The following ARRB1 variants were observed in gnomAD, a reference collection of about 807,000 sequenced individuals.
ARRB1 encodes the protein arrestin beta 1, also known as beta-arrestin-1.
Under a neutral mutation model 56.8 loss-of-function variants are expected in ARRB1, and 21 were observed. That is an observed-to-expected ratio of 0.37 (90% CI 0.26 to 0.53). ARRB1 has a LOEUF of 0.53. ARRB1 is among the 20% of genes least tolerant of loss of function. ARRB1 has a pLI of 0.88. For missense variants in ARRB1, 424 were observed against 553.7 expected, an observed-to-expected ratio of 0.77 and a Z score of 2.35; for synonymous variants, 210 against 218.6, an observed-to-expected ratio of 0.96 and a Z score of 0.35.
At chr11:75,333,241 G>T (rs1408683854) in intron 1 of ARRB1, among the ~76,000 whole-genome samples, 1 of 152,256 alleles carries the variant, frequency 6.6e-6, no homozygotes, top group Admixed American at 6.5e-5. Context: ...GAAGGGCAGA[G>T]CCACAGTTGT....
At position 75,287,301 on chromosome 11, in the gene ARRB1, C is replaced by T. The variant is rs1315037624; in HGVS notation, c.112+14G>A. 1.3e-6 allele frequency: 2 copies of T among 1,551,790 alleles called. No homozygotes were observed. The highest frequency in any genetic ancestry group is 1.2e-5 in the South Asian group (1 of 84,008). ...ATCTTCCCCCAGCCCTCCTCTCGCC[C>T]TCCAGGGACTCACCCACAGGGTCCA... On this transcript the variant is annotated intron_variant, in intron 3 of 15. Transcript: ENST00000420843.
chr11:75,307,187 C>T (rs565648304), intron 1 of ARRB1, among the ~76,000 whole-genome samples: 1 of 152,294 alleles, frequency 6.6e-6, no homozygotes, highest in South Asian at 2.1e-4. Flanking sequence ...TGCCCATCTC[C>T]GTCCGTAGCT....
intron 10 of ARRB1, among the ~76,000 whole-genome samples, chr11:75,275,625 TC>T (rs1425120832): frequency 1.3e-5 from 2 of 152,158 alleles, no homozygotes; most frequent in East Asian, 3.8e-4. Context: ...CTATCCCCCA[TC>T]CTTTCCAATG....
chr11:75,287,415 C>T, intron 2 of ARRB1, 40 bp from the exon 3 acceptor site: 1 of 1,547,738 alleles, frequency 6.5e-7, no homozygotes, highest in Middle Eastern at 1.7e-4. Flanking sequence ...CAGCTGCAGG[C>T]CCAGAGGACA....
At chr11:75,301,240 C>A (rs565467159) in intron 1 of ARRB1, among the ~76,000 whole-genome samples, 1 of 152,214 alleles carries the variant, frequency 6.6e-6, no homozygotes, top group East Asian at 1.9e-4. Context: ...AGGCAGAGGC[C>A]TGGAGAGGGC....
intron 1 of ARRB1, among the ~76,000 whole-genome samples, chr11:75,292,220 A>T (rs1399613360): frequency 2.6e-5 from 4 of 151,848 alleles, no homozygotes; most frequent in African/African-American, 4.8e-5. Context: ...GCTCACTGCA[A>T]CCTCCATCCC....
At chr11:75,295,711 T>A (rs79045289) in intron 1 of ARRB1, among the ~76,000 whole-genome samples, 234 of 152,326 alleles carry the variant, frequency 1.5e-3, no homozygotes, top group Non-Finnish European at 2.1e-3. Context: ...CCTGCCATGC[T>A]CTCTTTCCTT....
intron 1 of ARRB1, among the ~76,000 whole-genome samples, chr11:75,319,071 C>T (rs1329614594): frequency 2.0e-5 from 3 of 152,184 alleles, no homozygotes; most frequent in South Asian, 4.1e-4. Flanking sequence ...TAATTTACCC[C>T]GGGTCCCAGC....
rs189766355 is a variant in ARRB1, at chr11:75,312,228, C to T, written c.21-22189G>A. ...TCCCTAGGAATGATGGGAAATGCAC[C>T]GCCAGGAACTGAGAACAGGCCTGCC... On this transcript the variant is annotated intron_variant, in intron 1 of 15. Coordinates refer to ENST00000420843, the MANE Select transcript of ARRB1 (RefSeq NM_004041.5). The T allele has an allele frequency of 1.5e-4, 160 of 1,093,392 alleles. No homozygotes were observed. The African/African-American group carries it at 2.3e-3, about 16-fold the overall frequency. 67.7% of individuals were successfully genotyped at this position (1,093,392 alleles called of 1,614,324 possible).
At position 75,308,309 on chromosome 11, in the gene ARRB1, T is replaced by A. The variant is rs1018565722; in HGVS notation, c.21-18270A>T. 2.0e-5 allele frequency among the ~76,000 whole-genome samples: 3 copies of A among 150,622 alleles called. No individual in the cohort carries two copies. In the East Asian group the frequency reaches 5.8e-4, roughly 29 times the overall value. On this transcript the variant is annotated intron_variant, in intron 1 of 15. Coordinates refer to ENST00000420843, the MANE Select transcript of ARRB1 (RefSeq NM_004041.5). ...CAGGCCACTGAGTAGAGCCAGGGAG[T>A]CGCTGAGCCAGCATTTGAAACCAGG...
chr11:75,344,657 G>C lies in ARRB1; in HGVS notation c.20+6931C>G, dbSNP rs113608885. On this transcript the variant is annotated intron_variant, in intron 1 of 15. Coordinates refer to ENST00000420843, the MANE Select transcript of ARRB1 (RefSeq NM_004041.5). ...GACTCAAACCACCCCTAGGATGGAC[G>C]CATCCTGCACACGGGAAGGCAGAAG... Among the ~76,000 whole-genome samples, 814 of 152,192 alleles carry C rather than the reference G, an allele frequency of 5.3e-3. 15 individuals are homozygous for C. Among genetic ancestry groups the C allele is most frequent in the African/African-American group, 0.019 (769 of 41,514 alleles).
intron 1 of ARRB1, chr11:75,312,090 C>T (rs767365821): frequency 1.6e-6 from 2 of 1,289,592 alleles, no homozygotes; most frequent in South Asian, 2.5e-5. Flanking sequence ...AAGTCTCCTT[C>T]CATGGCCTCT....
intron 5 of ARRB1, among the ~76,000 whole-genome samples, chr11:75,282,972 C>A (rs2236710): frequency 0.14 from 21,116 of 152,220 alleles, 1,659 homozygotes; most frequent in Admixed American, 0.21. Context: ...AGCGGGAAAC[C>A]CCTTGCAGTG....
chr11:75,264,091 C>G lies in ARRB1; in HGVS notation c.*2072G>C, dbSNP rs1175361785. On this transcript the variant is annotated 3_prime_UTR_variant, in exon 16 of 16. Coordinates refer to ENST00000420843, the MANE Select transcript of ARRB1 (RefSeq NM_004041.5). ...AGGAGGGGCTGGATGCCTGGGGGAC[C>G]TGCAACTAGGCCCTCAAGACTGGAC... is the stretch of plus-strand genomic sequence containing the variant. 1 of 152,264 alleles carries G rather than the reference C, an allele frequency of 6.6e-6. No homozygotes were observed. The highest frequency in any genetic ancestry group is 1.5e-5 in the Non-Finnish European group (1 of 68,108). 9.4% of individuals were successfully genotyped at this position (152,264 alleles called of 1,614,324 possible). A position where few individuals can be genotyped will look rare whatever the true frequency, so the allele number is the denominator to read the frequency against.
At chr11:75,305,265 GA>G (rs1159221206) in intron 1 of ARRB1, among the ~76,000 whole-genome samples, 1 of 149,508 alleles carries the variant, frequency 6.7e-6, no homozygotes, top group Non-Finnish European at 1.5e-5. Flanking sequence ...GGCTGGTCTT[GA>G]ACTCCTGACC....
intron 1 of ARRB1, among the ~76,000 whole-genome samples, chr11:75,310,378 G>A (rs995429039): frequency 6.6e-6 from 1 of 152,162 alleles, no homozygotes; most frequent in African/African-American, 2.4e-5. Context: ...GGCCATCCAG[G>A]GCCCTGCCTC....
chr11:75,298,791 A>G (rs1946824438), intron 1 of ARRB1, among the ~76,000 whole-genome samples: 1 of 152,156 alleles, frequency 6.6e-6, no homozygotes, highest in Non-Finnish European at 1.5e-5. Context: ...AAATCTATCA[A>G]TGAATACATG....
chr11:75,283,774 C>T (rs993426824), intron 4 of ARRB1, among the ~76,000 whole-genome samples: 102 of 151,820 alleles, frequency 6.7e-4, no homozygotes, highest in African/African-American at 2.4e-3. Flanking sequence ...GTCTGACAGG[C>T]TTGGCGGGGG....
intron 4 of ARRB1, 142 bp downstream of exon 4, chr11:75,284,093 G>A: frequency 1.2e-6 from 1 of 808,624 alleles, no homozygotes; most frequent in Non-Finnish European, 1.9e-6. Context: ...GTCCCAGGCT[G>A]GAGGAGGCAA....
Sources: gnomAD v4.1 joint callset for allele counts (sites outside exome capture counted in the v4.1 genomes callset) on GRCh38, gnomAD v4.1.1 for gene constraint, MANE v1.5 for transcripts, NCBI Gene and HGNC (gene_info 2026-07-23, HGNC 2026-07-21) for gene names.